The following MARK3 variants were observed in gnomAD, a reference collection of about 807,000 sequenced individuals.
The protein encoded by MARK3 is microtubule affinity regulating kinase 3.
In MARK3, 46 loss-of-function variants were observed where a neutral mutation model predicts 90.1. That is an observed-to-expected ratio of 0.51 (90% CI 0.40 to 0.65). The LOEUF is 0.65. Among genes scored for constraint, MARK3 ranks in the 30% least tolerant of loss-of-function variants. The pLI is 0.00. For synonymous variants in MARK3, 321 were observed against 332.6 expected, an observed-to-expected ratio of 0.97 and a Z score of 0.38; for missense variants, 818 against 947.2, an observed-to-expected ratio of 0.86 and a Z score of 1.79.
chr14:103,439,640 C>G (rs1356744184), intron 3 of MARK3, among the ~76,000 whole-genome samples: 3 of 150,236 alleles, frequency 2.0e-5, no homozygotes, highest in African/African-American at 7.4e-5. Flanking sequence ...AACTCCTGAC[C>G]TCAAGTGATC....
Position 103,491,874 on chromosome 14 carries a change from C to T in MARK3, c.1684C>T (p.Arg562Cys). The T allele has an allele frequency of 1.2e-6, 2 of 1,614,186 alleles. No homozygotes were observed. The highest frequency in any genetic ancestry group is 1.7e-6 in the Non-Finnish European group (2 of 1,180,038). ...RIRFPRGTAS[R>C]STFHGQPRER... Reference sequence around the variant, plus strand: ...CCGCTTCCCAAGAGGCACTGCCAGTCGTAGCACTTTCCACGGCCAGCCCCG... The same window carrying T: ...CCGCTTCCCAAGAGGCACTGCCAGTTGTAGCACTTTCCACGGCCAGCCCCG... Residue 562 changes from arginine (R) to cysteine (C), a missense_variant, in exon 15 of 18, where the codon CGT becomes TGT. Arg to Cys is a radical substitution (Grantham distance 180). Around this residue, in one of 3 missense-constraint regions of MARK3, gnomAD observed 560 missense variants for 613.5 expected, o/e 0.91. Transcript: ENST00000429436.
At position 103,481,757 on chromosome 14, in the gene MARK3, C is replaced by CTTTTTTTTTTTTTTTTTTTTTTTTTTT. The variant is rs71126030; in HGVS notation, c.1586+1268_1586+1294dup. Reference sequence around the variant, plus strand: ...CAGATAATGATTGATATAGGTATTTCTTTTTTTTTTTTTTTTTTTTTTTTT... The same window carrying CTTTTTTTTTTTTTTTTTTTTTTTTTTT: ...CAGATAATGATTGATATAGGTATTTCTTTTTTTTTTTTTTTTTTTTTTTTTTTTTTTTTTTTTTTTTTTTTTTTTTTT... On this transcript the variant is annotated intron_variant, in intron 14 of 17. Coordinates refer to ENST00000429436, the MANE Select transcript of MARK3 (RefSeq NM_001128918.3). Among the ~76,000 whole-genome samples the CTTTTTTTTTTTTTTTTTTTTTTTTTTT allele has an allele frequency of 8.0e-5, 4 of 49,802 alleles. 1 individual carries two copies. The highest frequency in any genetic ancestry group is 1.0e-4 in the Non-Finnish European group (3 of 30,014). The allele number at this position is 49,802 out of a possible 152,430, so 32.7% of individuals were successfully genotyped here.
chr14:103,464,381 C>T (rs955813292), intron 7 of MARK3, among the ~76,000 whole-genome samples: 1 of 150,236 alleles, frequency 6.7e-6, no homozygotes, highest in East Asian at 1.9e-4. Flanking sequence ...TCACTGCAAC[C>T]TCCACCTCGC....
At chr14:103,476,267 C>T (rs1011264938) in intron 13 of MARK3, among the ~76,000 whole-genome samples, 8 of 152,310 alleles carry the variant, frequency 5.3e-5, no homozygotes, top group South Asian at 2.1e-4. Context: ...CGTGCACACA[C>T]GGGGAGGTCT....
At chr14:103,497,019 G>A (rs1179299062) in intron 15 of MARK3, among the ~76,000 whole-genome samples, 1 of 152,136 alleles carries the variant, frequency 6.6e-6, no homozygotes, top group Non-Finnish European at 1.5e-5. Flanking sequence ...TCCAGCCTGG[G>A]TGATTGAGCA....
chr14:103,481,757 C>CTTTGTTTTTTTTTTTTTT (rs2093824021), intron 14 of MARK3, among the ~76,000 whole-genome samples: 1 of 49,778 alleles, frequency 2.0e-5, no homozygotes, highest in Non-Finnish European at 3.3e-5. Flanking sequence ...ATAGGTATTT[C>CTTTGTTTTTTTTTTTTTT]TTTTTTTTTT....
intron 2 of MARK3, among the ~76,000 whole-genome samples, chr14:103,408,749 G>T (rs1247541903): frequency 6.6e-6 from 1 of 152,182 alleles, no homozygotes; most frequent in East Asian, 1.9e-4. Context: ...GCACTGGACT[G>T]TGCTAACTGG....
In MARK3 at chr14:103,468,789, C is replaced by CTT. The variant is rs372468049; in HGVS notation, c.1264+619_1264+620dup. On this transcript the variant is annotated intron_variant, in intron 12 of 17. Transcript: ENST00000429436. ...ACCTCTGCTTTAATCTGTAGTTTTC[C>CTT]TTTTTTTTTTTTTTTTTAAATGGAG... Among the ~76,000 whole-genome samples the CTT allele has an allele frequency of 3.3e-3, 456 of 138,648 alleles. 2 individuals are homozygous for CTT. Among genetic ancestry groups the CTT allele is most frequent in the African/African-American group, 0.01 (377 of 37,386 alleles). 91.0% of individuals were successfully genotyped at this position (138,648 alleles called of 152,430 possible).
At chr14:103,424,398 G>A (rs764775552) in intron 2 of MARK3, among the ~76,000 whole-genome samples, 2 of 151,798 alleles carry the variant, frequency 1.3e-5, no homozygotes, top group African/African-American at 2.4e-5. Flanking sequence ...GGTGGCACGT[G>A]CCTATAGTTC....
At chr14:103,485,903 A>T (rs868783326) in intron 14 of MARK3, among the ~76,000 whole-genome samples, 3 of 152,186 alleles carry the variant, frequency 2.0e-5, no homozygotes, top group South Asian at 2.1e-4. Flanking sequence ...ATTTTAAAAG[A>T]TAGTCATGAA....
intron 13 of MARK3, among the ~76,000 whole-genome samples, chr14:103,477,581 A>G (rs1046380096): frequency 6.6e-6 from 1 of 152,222 alleles, no homozygotes. Flanking sequence ...AATCCACATG[A>G]CAATGATTAA....
chr14:103,432,237 A>G (rs950611678), intron 3 of MARK3, among the ~76,000 whole-genome samples: 2 of 152,228 alleles, frequency 1.3e-5, no homozygotes, highest in Non-Finnish European at 2.9e-5. Context: ...CCATTCTTAA[A>G]TCTAGACTGA....
Position 103,405,129 on chromosome 14 carries a change from A to G in MARK3, c.105A>G (p.Ser35=). The G allele has an allele frequency of 6.2e-7, 1 of 1,614,042 alleles. No individual in the cohort carries two copies. Among genetic ancestry groups the G allele is most frequent in the Non-Finnish European group, 8.5e-7 (1 of 1,179,980 alleles). Residue 35 remains serine (S), a synonymous_variant, in exon 2 of 18, where the codon TCA becomes TCG. Transcript: ENST00000429436. ...AAGTTACCTCTCGTACCAGCCGCTC[A>G]GGAGCTCGGTGTAGAAACTCTATAG... is the stretch of plus-strand genomic sequence containing the variant. ...RQEVTSRTSR[S]GARCRNSIAS...
intron 2 of MARK3, among the ~76,000 whole-genome samples, chr14:103,425,443 A>G (rs922879915): frequency 1.3e-5 from 2 of 151,662 alleles, no homozygotes; most frequent in African/African-American, 4.8e-5. Flanking sequence ...TTGTATTTTT[A>G]GTAGAGACGG....
At chr14:103,386,492 T>C in intron 1 of MARK3, 1 of 454,052 alleles carries the variant, frequency 2.2e-6, no homozygotes, top group Non-Finnish European at 4.3e-6. Flanking sequence ...TAACATATGT[T>C]ACCGGTGCTG....
At chr14:103,427,712 C>A (rs1013998198) in intron 2 of MARK3, among the ~76,000 whole-genome samples, 1 of 152,038 alleles carries the variant, frequency 6.6e-6, no homozygotes, top group Non-Finnish European at 1.5e-5. Context: ...CCAAGGTTGC[C>A]GTGGCATTTG....
intron 14 of MARK3, among the ~76,000 whole-genome samples, chr14:103,482,045 C>T (rs1012667226): frequency 5.9e-5 from 9 of 151,284 alleles, no homozygotes; most frequent in Non-Finnish European, 1.3e-4. Flanking sequence ...GGATTACAGG[C>T]GTGAGCCACC....
rs1468567180 is a variant in MARK3 at position 103,468,176 on chromosome 14, C to T, written c.1254C>T (p.Tyr418=). 1.9e-6 allele frequency: 3 copies of T among 1,613,754 alleles called. No individual in the cohort carries two copies. The Admixed American group carries it at 5.0e-5, about 27-fold the overall frequency. ...CTTCAAGCCAAAAGCAAAGACGCTA[C>T]AGTGACCATGGTAAGTTTTGGAGTA... The part of the protein sequence containing the change: ...SVSSSQKQRR[Y]SDHAGPAIPS... Residue 418 remains tyrosine, a synonymous_variant, in exon 12 of 18, where the codon TAC becomes TAT. Transcript: ENST00000429436.
chr14:103,460,438 T>A (rs776274130), intron 6 of MARK3, among the ~76,000 whole-genome samples: 1 of 152,186 alleles, frequency 6.6e-6, no homozygotes, highest in Non-Finnish European at 1.5e-5. Flanking sequence ...TATTGATGAT[T>A]TGACGCTCTT....
Sources: allele counts gnomAD v4.1 joint callset (sites outside exome capture counted in the v4.1 genomes callset), GRCh38; gene constraint gnomAD v4.1.1; regional missense constraint gnomAD v4.1.1; transcripts MANE v1.5; gene names NCBI Gene and HGNC (gene_info 2026-07-23, HGNC 2026-07-21).